Variants in SAMSN1 observed in about 807,000 individuals in gnomAD.
The protein encoded by SAMSN1 is SAM domain, SH3 domain and nuclear localization signals 1.
A neutral mutation model predicts 42.0 loss-of-function variants in SAMSN1; 31 were observed. That is an observed-to-expected ratio of 0.74 (90% CI 0.55 to 1.00). The LOEUF is 1.00. SAMSN1 is among the 50% of genes least tolerant of loss of function. The probability of loss-of-function intolerance (pLI) is 0.00; values close to 1 mark genes in which losing one functional copy is unlikely to be tolerated. For synonymous variants in SAMSN1, 178 were observed against 151.9 expected (o/e 1.17, Z -1.26); for missense variants, 464 against 439.4 (o/e 1.06, Z -0.50).
At position 14,632,535 on chromosome 21, in the gene SAMSN1, T is replaced by C. The variant is rs1259954966; in HGVS notation, c.156+10467A>G. Among the ~76,000 whole-genome samples the C allele has an allele frequency of 3.9e-5, 6 of 152,204 alleles. No individual in the cohort carries two copies. In the East Asian group the frequency reaches 9.6e-4, roughly 24 times the overall value. The stretch of plus-strand genomic sequence containing the variant: ...TGTATTTGTATAATTATTTGTATAA[T>C]TGTAATACAAATAATATTGTAATAC... On this transcript the variant is annotated intron_variant, in intron 2 of 15. Transcript: ENST00000647101.
chr21:14,497,426 C>A (rs1184819198), intron 7 of SAMSN1, among the ~76,000 whole-genome samples: 13 of 152,106 alleles, frequency 8.5e-5, no homozygotes, highest in Non-Finnish European at 1.5e-4. Flanking sequence ...GAAACCCCAT[C>A]TCTACTAAAA....
At chr21:14,574,606 G>A (rs1230232801) in intron 2 of SAMSN1, among the ~76,000 whole-genome samples, 2 of 152,058 alleles carry the variant, frequency 1.3e-5, no homozygotes, top group Non-Finnish European at 2.9e-5. Flanking sequence ...TAATTTGACT[G>A]GTTTGAATGC....
intron 2 of SAMSN1, among the ~76,000 whole-genome samples, chr21:14,519,480 TTC>T (rs995283216): frequency 6.6e-6 from 1 of 151,806 alleles, no homozygotes. Context: ...TATATACAGT[TTC>T]TCTCTCTCTC....
chr21:14,532,645 T>C (rs1979341720), intron 1 of SAMSN1, among the ~76,000 whole-genome samples: 1 of 152,206 alleles, frequency 6.6e-6, no homozygotes, highest in Admixed American at 6.5e-5. Flanking sequence ...TGTTCAATAA[T>C]TGTAGAACAT....
upstream of SAMSN1, among the ~76,000 whole-genome samples, chr21:14,587,062 G>A (rs1258135792): frequency 1.3e-5 from 2 of 152,048 alleles, no homozygotes; most frequent in South Asian, 2.1e-4. Context: ...CTAATCAGAG[G>A]GTGATACAAC....
At chr21:14,527,403 G>A (rs1383291074) in intron 1 of SAMSN1, among the ~76,000 whole-genome samples, 1 of 152,168 alleles carries the variant, frequency 6.6e-6, no homozygotes, top group East Asian at 1.9e-4. Flanking sequence ...TGGGGTGTCA[G>A]GAAACTGACG....
intron 1 of SAMSN1, among the ~76,000 whole-genome samples, chr21:14,530,316 C>CAAAAAA (rs71183428): frequency 9.3e-5 from 7 of 75,616 alleles, no homozygotes; most frequent in South Asian, 5.3e-4. Flanking sequence ...GACTCCGTCT[C>CAAAAAA]AAAAAAAAAA....
At chr21:14,625,985 A>G (rs1285782364) in intron 2 of SAMSN1, among the ~76,000 whole-genome samples, 4 of 152,210 alleles carry the variant, frequency 2.6e-5, no homozygotes, top group Non-Finnish European at 2.9e-5. Flanking sequence ...CACATCTACA[A>G]TCAACTGATC....
chr21:14,580,007 A>T (rs1284840219), intron 2 of SAMSN1, among the ~76,000 whole-genome samples: 2 of 152,140 alleles, frequency 1.3e-5, no homozygotes, highest in Admixed American at 6.5e-5. Flanking sequence ...TGTTTCATGG[A>T]TATGGAATGA....
intron 1 of SAMSN1, among the ~76,000 whole-genome samples, chr21:14,526,101 C>T (rs1330880654): frequency 1.3e-5 from 2 of 152,184 alleles, no homozygotes; most frequent in Non-Finnish European, 2.9e-5. Context: ...CTCCTGACCT[C>T]AGGCAATTCG....
intron 2 of SAMSN1, among the ~76,000 whole-genome samples, chr21:14,580,095 T>C (rs1450676767): frequency 6.6e-6 from 1 of 152,158 alleles, no homozygotes; most frequent in East Asian, 1.9e-4. Context: ...CAGAAAAGCT[T>C]TCTAGATGAT....
upstream of SAMSN1, among the ~76,000 whole-genome samples, chr21:14,549,135 G>C (rs1472005462): frequency 2.0e-5 from 3 of 152,118 alleles, no homozygotes; most frequent in Non-Finnish European, 4.4e-5. Context: ...TAAAAGGATT[G>C]GTTCAGCAAT....
chr21:14,650,124 A>G (rs456372), intron 1 of SAMSN1, among the ~76,000 whole-genome samples: 116,738 of 152,028 alleles, frequency 0.77, 45,340 homozygotes, highest in Middle Eastern at 0.89. Context: ...TTCAGCTTAG[A>G]AAAGATCTTC....
intron 4 of SAMSN1, among the ~76,000 whole-genome samples, chr21:14,610,551 C>T (rs1029519529): frequency 6.6e-6 from 1 of 152,144 alleles, no homozygotes; most frequent in Non-Finnish European, 1.5e-5. Context: ...CGTGCACTCC[C>T]TCCTCTTTGA....
At chr21:14,556,309 T>C (rs570986955) in intron 2 of SAMSN1, among the ~76,000 whole-genome samples, 1 of 152,174 alleles carries the variant, frequency 6.6e-6, no homozygotes, top group Non-Finnish European at 1.5e-5. Flanking sequence ...CATGCCATCA[T>C]CTTTGAGAAC....
At chr21:14,487,841 A>C (rs1986502638) in intron 7 of SAMSN1, among the ~76,000 whole-genome samples, 1 of 152,168 alleles carries the variant, frequency 6.6e-6, no homozygotes, top group African/African-American at 2.4e-5. Flanking sequence ...ATAAGATGAC[A>C]ATTTTAATAG....
At chr21:14,648,433 C>T (rs1396351709) in intron 1 of SAMSN1, among the ~76,000 whole-genome samples, 1 of 152,154 alleles carries the variant, frequency 6.6e-6, no homozygotes, top group Non-Finnish European at 1.5e-5. Flanking sequence ...TCTAATTAAA[C>T]TAAAGAGCTT....
intron 7 of SAMSN1, 140 bp from the exon 8 acceptor site, chr21:14,486,254 G>T (rs780482883): frequency 3.2e-6 from 2 of 633,290 alleles, no homozygotes; most frequent in Admixed American, 2.9e-5. Flanking sequence ...CAAGTAAAAG[G>T]TATCTTTGTT....
chr21:14,651,134 A>G (rs1163550570), intron 1 of SAMSN1, among the ~76,000 whole-genome samples: 3 of 152,014 alleles, frequency 2.0e-5, no homozygotes, highest in Non-Finnish European at 4.4e-5. Context: ...TACTCAAACT[A>G]TTCCAAAAAG....
Sources: allele counts gnomAD v4.1 joint callset (sites outside exome capture counted in the v4.1 genomes callset), GRCh38; gene constraint gnomAD v4.1.1; transcripts MANE v1.5; gene names NCBI Gene and HGNC (gene_info 2026-07-23, HGNC 2026-07-21).